SHANK2: variants seen among roughly 807,000 people sequenced by gnomAD.
The protein encoded by SHANK2 is SH3 and multiple ankyrin repeat domains 2, also known as SH3 and multiple ankyrin repeat domains protein 2.
In SHANK2, 43 loss-of-function variants were observed where a neutral mutation model predicts 133.7. The observed-to-expected ratio is 0.32, with a 90% CI of 0.25 to 0.41. The LOEUF (loss-of-function observed/expected upper bound fraction) is 0.41, where lower values mean the gene tolerates loss of function less well. Among genes scored for constraint, SHANK2 ranks in the 10% least tolerant of loss-of-function variants. SHANK2 has a pLI of 1.00. For synonymous variants in SHANK2, 1,017 were observed against 952.8 expected (o/e 1.07, Z -1.24); for missense variants, 1,994 against 2,235.8 (o/e 0.89, Z 2.18).
chr11:70,861,989 C>CA (rs879955628), intron 11 of SHANK2, among the ~76,000 whole-genome samples: 498 of 136,672 alleles, frequency 3.6e-3, no homozygotes, highest in African/African-American at 8.7e-3. Flanking sequence ...GGGGCAGGGG[C>CA]AAAAAAAAAA....
Position 70,502,279 on chromosome 11 carries a change from CG to C in SHANK2, c.2204del (p.Pro735ArgfsTer18). ...CTGTGGTCGGTGCCCGCTTTGGAGG[CG>C]GGGGAGCTGGAGGGCAGAGGAGAGA... is the stretch of plus-strand genomic sequence containing the variant. ...PDDTARKKAP[P>X]PPKRAPTTAL... On this transcript the variant is annotated frameshift_variant, in exon 19 of 26. Coordinates refer to ENST00000601538, the MANE Select transcript of SHANK2 (RefSeq NM_012309.5). LOFTEE classifies it high-confidence loss of function. The C allele has an allele frequency of 1.3e-6, 2 of 1,555,280 alleles. No individual in the cohort carries two copies. The highest frequency in any genetic ancestry group is 1.7e-6 in the Non-Finnish European group (2 of 1,148,492).
chr11:70,540,262 A>G (rs1283687174), intron 17 of SHANK2, among the ~76,000 whole-genome samples: 5 of 152,316 alleles, frequency 3.3e-5, no homozygotes, highest in South Asian at 4.1e-4. Context: ...AGTGTCCCCA[A>G]GAGCAGGGGC....
chr11:70,736,457 C>T (rs1300413685), intron 14 of SHANK2, among the ~76,000 whole-genome samples: 1 of 152,112 alleles, frequency 6.6e-6, no homozygotes, highest in African/African-American at 2.4e-5. Context: ...TCCAATGATA[C>T]GTGTTCTTCT....
rs1555153199 is a variant in SHANK2, at chr11:70,485,987, C to T, written c.4306G>A (p.Asp1436Asn). ...TCGCTTTTCTTCTGCTTCACTAAGT[C>T]TGAGAGAGCCGGGACAGAAGCTGCC... ...DRAASVPALS[D>N]LVKQKKSDTP... The change falls in exon 25 of 26, where the codon GAC becomes AAC. Residue 1436 changes from aspartate (D) to asparagine (N), a missense_variant. By Grantham distance (23) the Asp-to-Asn change is conservative. Around this residue, in one of 5 missense-constraint regions of SHANK2, gnomAD observed 797 missense variants for 907.4 expected, o/e 0.88. Transcript: ENST00000601538. The surrounding 1 kb of genome is among the most constrained non-coding windows in gnomAD (Gnocchi z 5.8). The T allele has an allele frequency of 1.2e-6, 2 of 1,613,932 alleles. No individual in the cohort carries two copies. The highest frequency in any genetic ancestry group is 3.3e-5 in the Admixed American group (2 of 60,004).
intron 14 of SHANK2, among the ~76,000 whole-genome samples, chr11:70,755,820 C>T (rs915540267): frequency 7.9e-5 from 12 of 152,240 alleles, no homozygotes; most frequent in African/African-American, 2.9e-4. Flanking sequence ...TCCGGAGGGG[C>T]CTCCCAGTGC....
At chr11:70,697,299 A>C (rs370596857) in intron 15 of SHANK2, among the ~76,000 whole-genome samples, 4 of 152,348 alleles carry the variant, frequency 2.6e-5, no homozygotes, top group East Asian at 1.9e-4. Flanking sequence ...CCACAATAAG[A>C]AAAAATTGGG....
intron 4 of SHANK2, among the ~76,000 whole-genome samples, chr11:71,115,811 A>G (rs1380765725): frequency 6.6e-6 from 1 of 152,130 alleles, no homozygotes; most frequent in Non-Finnish European, 1.5e-5. Context: ...CCCTGAAATG[A>G]ACTGCATGGA....
chr11:71,080,511 G>A (rs1440826738), intron 8 of SHANK2, among the ~76,000 whole-genome samples: 5 of 152,198 alleles, frequency 3.3e-5, no homozygotes, highest in African/African-American at 2.4e-5. Flanking sequence ...CCAGAGCAGC[G>A]GGGAGGTCAC....
At chr11:70,760,395 G>A (rs10899444) in intron 14 of SHANK2, among the ~76,000 whole-genome samples, 122,395 of 152,230 alleles carry the variant, frequency 0.8, 49,797 homozygotes, top group East Asian at 0.88. Flanking sequence ...TGCAATTCTT[G>A]GGCTGACATG....
Position 71,186,774 on chromosome 11 carries a change from T to C in SHANK2, c.-13+37923A>G, listed in dbSNP as rs113986023. 2.7e-3 allele frequency among the ~76,000 whole-genome samples: 412 copies of C among 152,340 alleles called. 2 individuals are homozygous for C. The highest frequency in any genetic ancestry group is 9.2e-3 in the African/African-American group (384 of 41,580). On this transcript the variant is annotated intron_variant, in intron 2 of 25. Coordinates refer to ENST00000601538, the MANE Select transcript of SHANK2 (RefSeq NM_012309.5). ...TGTGAATGCTGCAGACAGCTATCCA[T>C]AGGAGACATCTAACTAGAAAAGGTT... is the stretch of plus-strand genomic sequence containing the variant.
rs1251291991 is a variant in SHANK2 at position 71,103,858 on chromosome 11, C to T, written c.592+6083G>A. ...TCTCCCTCCCTCCCTCCCCCCCTCC[C>T]CTTCTCCCTCTCCCCCCCTCTTTCT... On this transcript the variant is annotated intron_variant, in intron 6 of 25. Coordinates refer to ENST00000601538, the MANE Select transcript of SHANK2 (RefSeq NM_012309.5). Among the ~76,000 whole-genome samples the T allele has an allele frequency of 2.5e-5, 3 of 122,252 alleles. No homozygotes were observed. The East Asian group carries it at 9.1e-4, about 37-fold the overall frequency. The allele number at this position is 122,252 out of a possible 152,430, so 80.2% of individuals were successfully genotyped here. A position where few individuals can be genotyped will look rare whatever the true frequency, so the allele number is the denominator to read the frequency against.
At chr11:70,799,206 T>A (rs782761306) in intron 13 of SHANK2, among the ~76,000 whole-genome samples, 5 of 152,078 alleles carry the variant, frequency 3.3e-5, no homozygotes, top group Non-Finnish European at 7.4e-5. Context: ...AAGACCAGCC[T>A]GGCCAACATA....
chr11:70,692,226 G>A (rs1945304122), intron 15 of SHANK2, among the ~76,000 whole-genome samples: 1 of 152,216 alleles, frequency 6.6e-6, no homozygotes, highest in South Asian at 2.1e-4. Context: ...TACACACTGA[G>A]GCAGTCTTCT....
At chr11:70,880,370 G>A (rs575508102) in intron 11 of SHANK2, among the ~76,000 whole-genome samples, 37 of 152,358 alleles carry the variant, frequency 2.4e-4, no homozygotes, top group African/African-American at 8.9e-4. Flanking sequence ...TACGAAGAAA[G>A]TTGGGGAGAT....
intron 11 of SHANK2, among the ~76,000 whole-genome samples, chr11:70,885,842 G>A (rs1949733661): frequency 6.6e-6 from 1 of 152,146 alleles, no homozygotes; most frequent in South Asian, 2.1e-4. Context: ...CCAACACGCT[G>A]GCCACCTGTG....
In SHANK2 at chr11:70,830,479, C is replaced by T. The variant is rs1043795186; in HGVS notation, c.1175-9797G>A. Among the ~76,000 whole-genome samples the T allele has an allele frequency of 6.6e-5, 10 of 152,168 alleles. No homozygotes were observed. Among genetic ancestry groups the T allele is most frequent in the South Asian group, 2.1e-4 (1 of 4,830 alleles). ...GCCCGGCCCTTCACCCTCCAAGCCA[C>T]GGAGACCCAGAAACCTGCCACCGAC... On this transcript the variant is annotated intron_variant, in intron 11 of 25. Coordinates refer to ENST00000601538, the MANE Select transcript of SHANK2 (RefSeq NM_012309.5). The surrounding 1 kb of genome is among the most constrained non-coding windows in gnomAD (Gnocchi z 4.4).
intron 2 of SHANK2, among the ~76,000 whole-genome samples, chr11:71,176,448 T>A (rs1224175662): frequency 6.6e-6 from 1 of 152,216 alleles, no homozygotes; most frequent in African/African-American, 2.4e-5. Flanking sequence ...ACCAATGTTA[T>A]AATTAGCAGA....
At chr11:71,166,019 C>T (rs1290175772) in intron 2 of SHANK2, among the ~76,000 whole-genome samples, 3 of 152,166 alleles carry the variant, frequency 2.0e-5, no homozygotes, top group Non-Finnish European at 4.4e-5. Context: ...AGTGTCCACA[C>T]GCCCCCCAGC....
intron 2 of SHANK2, among the ~76,000 whole-genome samples, chr11:71,207,053 T>C (rs913373597): frequency 4.8e-5 from 7 of 146,290 alleles, no homozygotes; most frequent in South Asian, 2.1e-4. Flanking sequence ...GCCACTTTAC[T>C]CCAGCCTGGG....
Sources: allele counts gnomAD v4.1 joint callset (sites outside exome capture counted in the v4.1 genomes callset), GRCh38; gene constraint gnomAD v4.1.1; regional missense constraint gnomAD v4.1.1; non-coding constraint Gnocchi (gnomAD v3.1); transcripts MANE v1.5; gene names NCBI Gene and HGNC (gene_info 2026-07-23, HGNC 2026-07-21).